The following CEP63 variants were observed in gnomAD, a reference collection of about 807,000 sequenced individuals.
The protein encoded by CEP63 is centrosomal protein of 63 kDa.
Under a neutral mutation model 89.1 loss-of-function variants are expected in CEP63, and 84 were observed. That is an observed-to-expected ratio of 0.94 (90% CI 0.79 to 1.13). The LOEUF (loss-of-function observed/expected upper bound fraction) is 1.13. Ranked by LOEUF, CEP63 falls within the 50% of genes most tolerant of loss-of-function variation. The pLI is 0.00. For synonymous variants in CEP63, 267 were observed against 272.5 expected (o/e 0.98, Z 0.20); for missense variants, 838 against 813.3 (o/e 1.03, Z -0.37).
intron 6 of CEP63, 85 bp downstream of exon 6, chr3:134,537,353 T>G (rs1000260841): frequency 3.5e-6 from 3 of 864,740 alleles, no homozygotes; most frequent in Non-Finnish European, 5.9e-6. Flanking sequence ...CCTAGTACCA[T>G]TTAGCCTCTT....
intron 1 of CEP63, among the ~76,000 whole-genome samples, chr3:134,491,023 A>G (rs1392352292): frequency 1.3e-5 from 2 of 152,220 alleles, no homozygotes; most frequent in Non-Finnish European, 2.9e-5. Flanking sequence ...ATAGTCATGC[A>G]GTGAATATCC....
At chr3:134,781,689 A>T in the CEP63 span, among the ~76,000 whole-genome samples, 1 of 152,224 alleles carries the variant, frequency 6.6e-6, no homozygotes, top group Non-Finnish European at 1.5e-5. Flanking sequence ...AAAATTACTT[A>T]TTCTTATTTG....
the CEP63 span, among the ~76,000 whole-genome samples, chr3:134,646,353 A>G: frequency 6.6e-6 from 1 of 152,014 alleles, no homozygotes; most frequent in Non-Finnish European, 1.5e-5. Context: ...GTGTGTCTTG[A>G]GGACTCTTAC....
At chr3:134,632,088 G>A in the CEP63 span, among the ~76,000 whole-genome samples, 1 of 151,960 alleles carries the variant, frequency 6.6e-6, no homozygotes, top group East Asian at 1.9e-4. Flanking sequence ...ATAGGCATAC[G>A]TCAAACAACA....
the CEP63 span, among the ~76,000 whole-genome samples, chr3:134,643,556 A>C: frequency 6.6e-6 from 1 of 152,228 alleles, no homozygotes; most frequent in Non-Finnish European, 1.5e-5. Context: ...GACACTGTGC[A>C]TGGAGACAAA....
At chr3:134,559,015 G>A (rs1390476723) in intron 13 of CEP63, 135 bp from the exon 14 acceptor site, 7 of 816,020 alleles carry the variant, frequency 8.6e-6, no homozygotes, top group South Asian at 6.9e-5. Flanking sequence ...ATCTCTTTCT[G>A]ATCTGAGTAG....
In CEP63 at chr3:134,550,076, T is replaced by A. The variant is rs2109809184; in HGVS notation, c.1196T>A (p.Ile399Asn). Residue 399 changes from isoleucine (I) to asparagine (N), a missense_variant, in exon 11 of 15, where the codon ATT (isoleucine) becomes AAT (asparagine). Coordinates refer to ENST00000675561, the MANE Select transcript of CEP63 (RefSeq NM_001353108.3). ...KAEIKKLKEQ[I>N]LQGEQSYSSA... ...GCTTCTTTATAGTTGAAAGAACAGA[T>A]TTTACAGGGTGAACAAAGTTACAGT... The A allele has an allele frequency of 6.2e-7, 1 of 1,613,506 alleles. No individual in the cohort carries two copies.
At chr3:134,673,113 C>T in the CEP63 span, among the ~76,000 whole-genome samples, 1 of 152,176 alleles carries the variant, frequency 6.6e-6, no homozygotes, top group Non-Finnish European at 1.5e-5. Context: ...TTTTACTCTT[C>T]ATCAGGTCTT....
At chr3:134,688,233 C>T in the CEP63 span, among the ~76,000 whole-genome samples, 69 of 152,240 alleles carry the variant, frequency 4.5e-4, no homozygotes, top group Middle Eastern at 3.4e-3. Flanking sequence ...TATTTTGCAA[C>T]AAAGAGGAAT....
chr3:134,551,724 CATATATAT>C (rs71139540), intron 11 of CEP63, among the ~76,000 whole-genome samples, 194 bp from the exon 12 acceptor site: 2,349 of 81,502 alleles, frequency 0.029, 32 homozygotes, highest in Middle Eastern at 0.11. Context: ...TTAGAAAGTC[CATATATAT>C]ATATATATAT....
At chr3:134,688,423 G>C in the CEP63 span, among the ~76,000 whole-genome samples, 1 of 152,334 alleles carries the variant, frequency 6.6e-6, no homozygotes, top group South Asian at 2.1e-4. Context: ...TTTGGGGTGA[G>C]AGAAATATTC....
the CEP63 span, among the ~76,000 whole-genome samples, chr3:134,773,664 AAGCT>A: frequency 1.3e-5 from 2 of 152,130 alleles, no homozygotes; most frequent in Non-Finnish European, 2.9e-5. Context: ...CTCTTCTAGT[AAGCT>A]AGACTTCAGC....
At chr3:134,548,391 T>C (rs1218746669) in intron 9 of CEP63, among the ~76,000 whole-genome samples, 1 of 152,240 alleles carries the variant, frequency 6.6e-6, no homozygotes, top group Non-Finnish European at 1.5e-5. Flanking sequence ...TGGGTGTTAA[T>C]TGAATCCTGA....
At chr3:134,571,034 A>G (rs1489901122) in intron 11 of CEP63, among the ~76,000 whole-genome samples, 1 of 152,372 alleles carries the variant, frequency 6.6e-6, no homozygotes, top group East Asian at 1.9e-4. Context: ...ACCTGCCCCC[A>G]TGATTCAACC....
At chr3:134,720,862 C>T in the CEP63 span, among the ~76,000 whole-genome samples, 12 of 152,236 alleles carry the variant, frequency 7.9e-5, no homozygotes, top group South Asian at 2.1e-3. Context: ...CAGTACCACA[C>T]AGTATCGATT....
At chr3:134,522,733 A>G (rs951151130) in intron 3 of CEP63, among the ~76,000 whole-genome samples, 30 of 152,128 alleles carry the variant, frequency 2.0e-4, no homozygotes, top group African/African-American at 6.5e-4. Context: ...TGTTCCTGCA[A>G]AAGACGTGAT....
the CEP63 span, among the ~76,000 whole-genome samples, chr3:134,699,978 G>A: frequency 6.6e-6 from 1 of 152,218 alleles, no homozygotes; most frequent in Admixed American, 6.5e-5. Context: ...GCCATGAGAT[G>A]CCAAGGGCAC....
chr3:134,610,385 TG>T, the CEP63 span: 1 of 1,610,050 alleles, frequency 6.2e-7, no homozygotes, highest in Non-Finnish European at 8.5e-7. Flanking sequence ...CCGGCGAGCC[TG>T]GGGGCAGGAC....
chr3:134,650,881 T>C, the CEP63 span: 1 of 1,612,822 alleles, frequency 6.2e-7, no homozygotes, highest in African/African-American at 1.3e-5. Context: ...GAGCGTACCC[T>C]GTGCGGCGCG....
Sources: gnomAD v4.1 joint callset for allele counts (sites outside exome capture counted in the v4.1 genomes callset) on GRCh38, gnomAD v4.1.1 for gene constraint, MANE v1.5 for transcripts, NCBI Gene and HGNC (gene_info 2026-07-23, HGNC 2026-07-21) for gene names.